The following CENATAC variants were observed in gnomAD, a reference collection of about 807,000 sequenced individuals.
The protein encoded by CENATAC is centrosomal AT-AC splicing factor.
CENATAC carries 53 observed loss-of-function variants against 53.7 expected under a neutral mutation model. The ratio of observed to expected loss-of-function variants is 0.99; its 90% CI spans 0.79 to 1.24. The LOEUF (loss-of-function observed/expected upper bound fraction) is 1.24, where lower values mean the gene tolerates loss of function less well. Ranked by LOEUF, CENATAC falls within the 50% of genes most tolerant of loss-of-function variation. The probability of loss-of-function intolerance (pLI) is 0.00; values close to 1 mark genes in which losing one functional copy is unlikely to be tolerated. For missense variants in CENATAC, 474 were observed against 417.8 expected (o/e 1.13, Z -1.17); for synonymous variants, 156 against 144.6 (o/e 1.08, Z -0.57).
chr11:119,010,688 AAAT>A, intron 3 of CENATAC, 73 bp from the exon 4 acceptor site: 1 of 1,301,490 alleles, frequency 7.7e-7, no homozygotes, highest in Non-Finnish European at 1.1e-6. Context: ...AAAATTAAAA[AAAT>A]ATCTACTGAG....
intron 3 of CENATAC, chr11:119,003,068 G>A (rs1364543060): frequency 1.3e-5 from 7 of 526,706 alleles, no homozygotes; most frequent in Non-Finnish European, 2.3e-5. Flanking sequence ...GGAGCCAGTC[G>A]AACATGTTCC....
chr11:119,005,282 C>T (rs1444244089), intron 3 of CENATAC, among the ~76,000 whole-genome samples: 4 of 151,748 alleles, frequency 2.6e-5, no homozygotes, highest in South Asian at 2.1e-4. Context: ...CTGGCTAACA[C>T]GGTGAAACCC....
At chr11:119,010,742 G>C in intron 3 of CENATAC, 22 bp from the exon 4 acceptor site, 1 of 1,613,142 alleles carries the variant, frequency 6.2e-7, no homozygotes, top group Non-Finnish European at 8.5e-7. Context: ...GTTCTGGGTG[G>C]TTTTGCCCCT....
intron 3 of CENATAC, among the ~76,000 whole-genome samples, chr11:119,000,120 CTTGG>C (rs1942218572): frequency 6.6e-6 from 1 of 152,214 alleles, no homozygotes; most frequent in Non-Finnish European, 1.5e-5. Flanking sequence ...TCTGCTGCCT[CTTGG>C]TTGGCAGAAG....
rs2134562820 is a variant in CENATAC at position 119,011,105 on chromosome 11, G to C, written c.451-116G>C. 1.4e-5 allele frequency: 12 copies of C among 830,020 alleles called. No individual in the cohort carries two copies. The South Asian group carries it at 2.0e-4, about 14-fold the overall frequency. 51.4% of individuals were successfully genotyped at this position (830,020 alleles called of 1,614,324 possible). On this transcript the variant is annotated intron_variant, in intron 4 of 10. Transcript: ENST00000334418. ...GCTGTTGCAGCCTGCTTCCTGACAG[G>C]CCACAGACCAGTACTGGTCCACGCC...
Position 118,998,881 on chromosome 11 carries a change from A to G in CENATAC, c.285-130A>G. On this transcript the variant is annotated intron_variant, in intron 2 of 10. Transcript: ENST00000334418. ...GACACGAGATCTTGAAGAGATGGTA[A>G]CAGTGTTCCTCTCTCAGCCGTGCCC... is the stretch of plus-strand genomic sequence containing the variant. 4.1e-6 allele frequency: 3 copies of G among 727,466 alleles called. No homozygotes were observed. In the South Asian group the frequency reaches 5.3e-5, roughly 13 times the overall value. 45.1% of individuals were successfully genotyped at this position (727,466 alleles called of 1,614,324 possible).
rs185153969 is a variant in CENATAC at position 119,011,757 on chromosome 11, A to T, written c.514-182A>T. 2.0e-3 allele frequency among the ~76,000 whole-genome samples: 283 copies of T among 141,526 alleles called. 1 individual carries two copies. Among genetic ancestry groups the T allele is most frequent in the Middle Eastern group, 3.5e-3 (1 of 284 alleles). The allele number at this position is 141,526 out of a possible 152,430, so 92.8% of individuals were successfully genotyped here. A position where few individuals can be genotyped will look rare whatever the true frequency, so the allele number is the denominator to read the frequency against. ...TACCTGTGTGCCAGGGGGCAGGCCT[A>T]GTCAGTGAATATGTGGACAGGACTG... On this transcript the variant is annotated intron_variant, in intron 5 of 10. Transcript: ENST00000334418.
chr11:119,014,944 A>G lies in CENATAC; in HGVS notation c.716-50A>G, dbSNP rs782329540. 8 of 1,280,732 alleles carry G rather than the reference A, an allele frequency of 6.2e-6. No individual in the cohort carries two copies. The Admixed American group carries it at 1.3e-4, about 21-fold the overall frequency. The allele number at this position is 1,280,732 out of a possible 1,614,324, so 79.3% of individuals were successfully genotyped here. A position where few individuals can be genotyped will look rare whatever the true frequency, so the allele number is the denominator to read the frequency against. ...GCTAACAGCTAGGACATGTTTCACAATAGCCTGAAGACTTAAAAAAAAAAA... is the reference window on the plus strand; with the variant it reads ...GCTAACAGCTAGGACATGTTTCACAGTAGCCTGAAGACTTAAAAAAAAAAA... On this transcript the variant is annotated intron_variant, in intron 8 of 10. Transcript: ENST00000334418.
rs1942119697 is a variant in CENATAC at position 118,998,418 on chromosome 11, T to C, written c.121-12T>C. ...GTCCCCCTCGGGGTTCTACTTGGCCTCTCTGCGGCAGGTGGAGGCGGCCCG... is the reference window on the plus strand; with the variant it reads ...GTCCCCCTCGGGGTTCTACTTGGCCCCTCTGCGGCAGGTGGAGGCGGCCCG... On this transcript the variant is annotated splice_polypyrimidine_tract_variant and intron_variant, in intron 1 of 10. Coordinates refer to ENST00000334418, the MANE Select transcript of CENATAC (RefSeq NM_198489.3). The C allele has an allele frequency of 6.2e-7, 1 of 1,612,918 alleles. No individual in the cohort carries two copies. The highest frequency in any genetic ancestry group is 1.3e-5 in the African/African-American group (1 of 75,070).
At chr11:119,001,596 T>G in intron 3 of CENATAC, 1 of 454,772 alleles carries the variant, frequency 2.2e-6, no homozygotes, top group Non-Finnish European at 4.4e-6. Context: ...CCTTTTTAAT[T>G]TTTTCCATAT....
Position 119,014,974 on chromosome 11 carries a change from A to AAAAAAG in CENATAC, c.716-20_716-19insAAAAAG. 1.4e-6 allele frequency: 2 copies of AAAAAAG among 1,459,514 alleles called. No homozygotes were observed. The highest frequency in any genetic ancestry group is 1.9e-6 in the Non-Finnish European group (2 of 1,065,912). The allele number at this position is 1,459,514 out of a possible 1,614,324, so 90.4% of individuals were successfully genotyped here. A position where few individuals can be genotyped will look rare whatever the true frequency, so the allele number is the denominator to read the frequency against. ...CTGAAGACTTAAAAAAAAAAAAAAA[A>AAAAAAG]GCCTTAATTTTTTTTTCAGGTGCCA... On this transcript the variant is annotated intron_variant, in intron 8 of 10. Coordinates refer to ENST00000334418, the MANE Select transcript of CENATAC (RefSeq NM_198489.3).
chr11:119,008,808 C>CA (rs1258946812), intron 3 of CENATAC, among the ~76,000 whole-genome samples: 1 of 152,216 alleles, frequency 6.6e-6, no homozygotes, highest in Non-Finnish European at 1.5e-5. Context: ...CGGCTTTCCA[C>CA]AGTGCATTGT....
Position 119,002,224 on chromosome 11 carries a change from CAAAAAAA to C in CENATAC, c.383+3133_383+3139del, listed in dbSNP as rs782664366. On this transcript the variant is annotated intron_variant, in intron 3 of 10. Transcript: ENST00000334418. ...GGGCAACAAGAGCAAAACTCTGTCTCAAAAAAAAAAAAAAAAAAAAAAAAGAAACTGA... is the reference window on the plus strand; with the variant it reads ...GGGCAACAAGAGCAAAACTCTGTCTCAAAAAAAAAAAAAAAAAGAAACTGA... Among the ~76,000 whole-genome samples the C allele has an allele frequency of 7.6e-3, 375 of 49,560 alleles. 5 individuals carry two copies. The highest frequency in any genetic ancestry group is 9.4e-3 in the Non-Finnish European group (246 of 26,162). The allele number at this position is 49,560 out of a possible 152,430, so 32.5% of individuals were successfully genotyped here.
At chr11:119,006,071 C>G (rs1942576579) in intron 3 of CENATAC, 1 of 114,728 alleles carries the variant, frequency 8.7e-6, no homozygotes, top group Non-Finnish European at 1.7e-5. Context: ...TCAGAGTAGG[C>G]AGGATTTTTT....
At chr11:119,007,550 T>TA (rs1942662374) in intron 3 of CENATAC, among the ~76,000 whole-genome samples, 1 of 152,080 alleles carries the variant, frequency 6.6e-6, no homozygotes, top group African/African-American at 2.4e-5. Flanking sequence ...AGTGCCATGA[T>TA]ACAATGACAG....
chr11:119,013,772 T>C (rs1231257148), intron 8 of CENATAC, among the ~76,000 whole-genome samples: 3 of 151,858 alleles, frequency 2.0e-5, no homozygotes, highest in African/African-American at 7.3e-5. Context: ...CTTTTTTTTT[T>C]TTTTTAAATA....
Position 119,011,965 on chromosome 11 carries a change from G to C in CENATAC, c.540G>C (p.Glu180Asp). The change falls in exon 6 of 11, where the codon GAG becomes GAC. Residue 180 changes from glutamate (E) to aspartate (D), a missense_variant. Glu to Asp is a conservative substitution (Grantham distance 45). Transcript: ENST00000334418. ...CTCAGGCAGTGCCAGACCCAGAAGA[G>C]GGCTCTTCAGCACCTAGAAGCTGGA... ...LEPQAVPDPE[E>D]GSSAPRSWKG... 1 of 1,614,068 alleles carries C rather than the reference G, an allele frequency of 6.2e-7. No individual in the cohort carries two copies. Among genetic ancestry groups the C allele is most frequent in the East Asian group, 2.2e-5 (1 of 44,882 alleles).
At chr11:119,003,682 G>A (rs1942437048) in intron 3 of CENATAC, 1 of 166,436 alleles carries the variant, frequency 6.0e-6, no homozygotes, top group African/African-American at 2.8e-5. Flanking sequence ...GGAGTGGCAT[G>A]ATCTTGGCTC....
At chr11:119,009,413 C>T (rs1455205173) in intron 3 of CENATAC, 1 of 151,132 alleles carries the variant, frequency 6.6e-6, no homozygotes, top group African/African-American at 2.4e-5. Context: ...GCGTGGGCCA[C>T]ACCGCGCCTG....
Sources: gnomAD v4.1 joint callset for allele counts (sites outside exome capture counted in the v4.1 genomes callset) on GRCh38, gnomAD v4.1.1 for gene constraint, MANE v1.5 for transcripts, NCBI Gene and HGNC (gene_info 2026-07-23, HGNC 2026-07-21) for gene names.